TANC2: variants seen among roughly 807,000 people sequenced by gnomAD.
The protein encoded by TANC2 is tetratricopeptide repeat, ankyrin repeat and coiled-coil containing 2.
A neutral mutation model predicts 210.5 loss-of-function variants in TANC2; 26 were observed. The observed-to-expected ratio is 0.12, with a 90% CI of 0.09 to 0.17. TANC2 has a LOEUF of 0.17. Ranked by LOEUF, TANC2 falls within the 10% of genes least tolerant of loss-of-function variation. The probability of loss-of-function intolerance (pLI) is 1.00; values close to 1 mark genes in which losing one functional copy is unlikely to be tolerated. For missense variants in TANC2, 2,129 were observed against 2,608.9 expected, an observed-to-expected ratio of 0.82 and a Z score of 4.01; for synonymous variants, 931 against 967.1, an observed-to-expected ratio of 0.96 and a Z score of 0.69.
intron 3 of TANC2, among the ~76,000 whole-genome samples, chr17:63,087,569 C>T (rs929430910): frequency 6.6e-6 from 1 of 152,086 alleles, no homozygotes; most frequent in African/African-American, 2.4e-5. Flanking sequence ...AAGAAGAATA[C>T]CATTCTCTGG....
Position 63,388,763 on chromosome 17 carries a change from T to C in TANC2, c.2814+6T>C. 1 of 1,504,586 alleles carries C rather than the reference T, an allele frequency of 6.6e-7. No homozygotes were observed. Among genetic ancestry groups the C allele is most frequent in the Non-Finnish European group, 8.9e-7 (1 of 1,124,528 alleles). The allele number at this position is 1,504,586 out of a possible 1,614,324, so 93.2% of individuals were successfully genotyped here. On this transcript the variant is annotated splice_donor_region_variant and intron_variant, in intron 16 of 27. Coordinates refer to ENST00000689528, the Ensembl canonical transcript of TANC2. ...TCTACACTCCAAATATAAAGGTAAA[T>C]TTATAAAGAAATTATAAATATGATA...
chr17:63,008,178 A>G (rs987306707), intron 1 of TANC2, among the ~76,000 whole-genome samples: 6 of 151,892 alleles, frequency 4.0e-5, no homozygotes, highest in Non-Finnish European at 8.8e-5. Flanking sequence ...CTTTGTGGTT[A>G]TTCTGCTTGA....
At chr17:63,245,797 C>T (rs557487826) in intron 8 of TANC2, among the ~76,000 whole-genome samples, 2 of 148,596 alleles carry the variant, frequency 1.3e-5, no homozygotes, top group Admixed American at 6.8e-5. Flanking sequence ...GAGCTGAGAT[C>T]GTGCCACTGC....
At chr17:63,291,274 T>TA (rs2044375192) in intron 9 of TANC2, among the ~76,000 whole-genome samples, 2 of 152,358 alleles carry the variant, frequency 1.3e-5, no homozygotes, top group South Asian at 4.1e-4. Flanking sequence ...CATTTTCTTT[T>TA]ATTATATAGT....
At chr17:63,354,000 G>GA (rs2046704444) in intron 13 of TANC2, among the ~76,000 whole-genome samples, 2 of 152,078 alleles carry the variant, frequency 1.3e-5, no homozygotes, top group Admixed American at 1.3e-4. Flanking sequence ...AAACTTTTGT[G>GA]AAAAATGGGA....
At chr17:63,141,996 TA>T (rs1389712500) in intron 4 of TANC2, among the ~76,000 whole-genome samples, 1 of 152,232 alleles carries the variant, frequency 6.6e-6, no homozygotes, top group Admixed American at 6.5e-5. Context: ...ATATTTATTT[TA>T]ATTGATTGAA....
chr17:63,201,774 T>G (rs910130543), intron 7 of TANC2, among the ~76,000 whole-genome samples: 2 of 151,882 alleles, frequency 1.3e-5, no homozygotes, highest in African/African-American at 4.8e-5. Flanking sequence ...ATTTATTATC[T>G]CCGGTAGACT....
At chr17:63,415,563 G>A (rs1265189014) in exon 26 of TANC2, 1 of 1,613,840 alleles carries the variant, frequency 6.2e-7, no homozygotes, top group East Asian at 2.2e-5. Flanking sequence ...AGCGCTACCA[G>A]TACGCCCTGA....
At chr17:63,069,139 C>T (rs1044259298) in intron 2 of TANC2, among the ~76,000 whole-genome samples, 2 of 151,608 alleles carry the variant, frequency 1.3e-5, no homozygotes, top group African/African-American at 4.8e-5. Flanking sequence ...TATTTTTCAC[C>T]GTATTTTCTA....
intron 2 of TANC2, among the ~76,000 whole-genome samples, chr17:63,071,519 G>A (rs2036397073): frequency 6.6e-6 from 1 of 152,244 alleles, no homozygotes; most frequent in African/African-American, 2.4e-5. Flanking sequence ...TGGAGAGGGA[G>A]GGTTATAGGG....
At chr17:63,273,995 C>CT in intron 9 of TANC2, among the ~76,000 whole-genome samples, 1 of 152,258 alleles carries the variant, frequency 6.6e-6, no homozygotes, top group South Asian at 2.1e-4. Flanking sequence ...GTCCATCAGT[C>CT]TATTTACAAA....
chr17:63,056,035 G>C (rs1164800352), intron 2 of TANC2, among the ~76,000 whole-genome samples: 2 of 114,096 alleles, frequency 1.8e-5, no homozygotes, highest in Admixed American at 2.0e-4. Context: ...GCCAGGGGTG[G>C]TGGCTCCCAC....
chr17:63,292,916 C>G (rs1394529325), intron 9 of TANC2, among the ~76,000 whole-genome samples: 2 of 152,178 alleles, frequency 1.3e-5, no homozygotes, highest in Non-Finnish European at 2.9e-5. Context: ...ACGATGCAAA[C>G]TGAGGCAGCC....
intron 3 of TANC2, among the ~76,000 whole-genome samples, chr17:63,081,887 G>A (rs1259402517): frequency 1.3e-5 from 2 of 152,160 alleles, no homozygotes; most frequent in South Asian, 2.1e-4. Context: ...TTGGAAGGCC[G>A]GGCACGGTGC....
chr17:63,191,954 G>A (rs766276599), intron 5 of TANC2, among the ~76,000 whole-genome samples: 26 of 152,128 alleles, frequency 1.7e-4, no homozygotes, highest in Non-Finnish European at 2.4e-4. Context: ...AGAGGCAGCC[G>A]TTGATAATCT....
chr17:63,140,745 A>G (rs1453571529), intron 4 of TANC2, among the ~76,000 whole-genome samples: 1 of 152,058 alleles, frequency 6.6e-6, no homozygotes, highest in Admixed American at 6.6e-5. Flanking sequence ...ACCTTGAGAA[A>G]CAGTTTTTTG....
rs1249138658 is a variant in TANC2 at position 63,412,834 on chromosome 17, A to G, written c.3928+125A>G. On this transcript the variant is annotated intron_variant, in intron 24 of 27. Transcript: ENST00000689528. The surrounding 1 kb of genome is among the most constrained non-coding windows in gnomAD (Gnocchi z 4.2). The stretch of plus-strand genomic sequence containing the variant: ...ATCTTTTAATTTACTTCACCTTAAA[A>G]GAAGATTTTTTTTAATGACTGTTGT... The G allele has an allele frequency of 3.3e-6, 4 of 1,223,552 alleles. No homozygotes were observed. In the African/African-American group the frequency reaches 4.7e-5, roughly 14 times the overall value. The allele number at this position is 1,223,552 out of a possible 1,614,324, so 75.8% of individuals were successfully genotyped here.
intron 11 of TANC2, among the ~76,000 whole-genome samples, chr17:63,334,744 G>C (rs1322512321): frequency 6.6e-6 from 1 of 152,158 alleles, no homozygotes. Context: ...AGTGATCAAG[G>C]GCAACATTAC....
intron 2 of TANC2, among the ~76,000 whole-genome samples, chr17:63,036,909 C>T (rs576691082): frequency 6.6e-6 from 1 of 150,768 alleles, no homozygotes; most frequent in Admixed American, 6.6e-5. Flanking sequence ...GGGATACACA[C>T]CACAGCCCCC....
Sources: allele counts gnomAD v4.1 joint callset (sites outside exome capture counted in the v4.1 genomes callset), GRCh38; gene constraint gnomAD v4.1.1; non-coding constraint Gnocchi (gnomAD v3.1); transcripts MANE v1.5; gene names NCBI Gene and HGNC (gene_info 2026-07-23, HGNC 2026-07-21).